The following HEG1 variants were observed in gnomAD, a reference collection of about 807,000 sequenced individuals.
The protein encoded by HEG1 is protein HEG homolog 1.
Under a neutral mutation model 125.6 loss-of-function variants are expected in HEG1, and 56 were observed. The ratio of observed to expected loss-of-function variants is 0.45; its 90% CI spans 0.36 to 0.56. The LOEUF (loss-of-function observed/expected upper bound fraction) is 0.56. Among genes scored for constraint, HEG1 ranks in the 20% least tolerant of loss-of-function variants. The pLI, the probability that HEG1 is intolerant of heterozygous loss-of-function variation, is 0.00. For missense variants in HEG1, 1,523 were observed against 1,670.0 expected, an observed-to-expected ratio of 0.91 and a Z score of 1.53; for synonymous variants, 644 against 668.5, an observed-to-expected ratio of 0.96 and a Z score of 0.57.
At chr3:125,038,084 G>T (rs1049150266) in intron 1 of HEG1, among the ~76,000 whole-genome samples, 1 of 152,216 alleles carries the variant, frequency 6.6e-6, no homozygotes, top group South Asian at 2.1e-4. Context: ...GGATGACCTT[G>T]GCAGGCACTG....
intron 14 of HEG1, among the ~76,000 whole-genome samples, chr3:124,987,665 C>T (rs1362276299): frequency 6.6e-6 from 1 of 151,252 alleles, no homozygotes; most frequent in African/African-American, 2.4e-5. Context: ...GAACTACAGG[C>T]GCTCGCCACC....
chr3:125,055,957 G>GGGCAGCC lies in HEG1; in HGVS notation c.-68_-67insGGCTGCC. The GGGCAGCC allele has an allele frequency of 1.2e-6, 1 of 864,318 alleles. No homozygotes were observed. Among genetic ancestry groups the GGGCAGCC allele is most frequent in the Non-Finnish European group, 1.4e-6 (1 of 721,020 alleles). 53.5% of individuals were successfully genotyped at this position (864,318 alleles called of 1,614,324 possible). A position where few individuals can be genotyped will look rare whatever the true frequency, so the allele number is the denominator to read the frequency against. On this transcript the variant is annotated 5_prime_UTR_variant, in exon 1 of 17. Coordinates refer to ENST00000311127, the MANE Select transcript of HEG1 (RefSeq NM_020733.2). ...GCGAGGGCAGCGGGCAGCGGGCAGC[G>GGGCAGCC]GGCGGCGGGGGCCGCGCGGGGCCGG... is the stretch of plus-strand genomic sequence containing the variant.
At chr3:125,010,607 G>T in intron 6 of HEG1, 52 bp from the exon 7 acceptor site, 1 of 1,045,352 alleles carries the variant, frequency 9.6e-7, no homozygotes, top group Non-Finnish European at 1.4e-6. Context: ...AAATGTAAAG[G>T]CAGCTTTAGG....
Position 125,055,817 on chromosome 3 carries a change from G to GGCGGCA in HEG1, c.68_73dup (p.Leu23_Pro24dup). On this transcript the variant is annotated inframe_insertion, in exon 1 of 17. Transcript: ENST00000311127. ...CGGGTCCCGCGTCCCGGGGGCCGCC[G>GGCGGCA]GCGGCAGCAGCAGCAGCGGCAGCAA... 1.0e-6 allele frequency: 1 copy of GGCGGCA among 979,556 alleles called. No individual in the cohort carries two copies. The highest frequency in any genetic ancestry group is 1.2e-6 in the Non-Finnish European group (1 of 826,330). The allele number at this position is 979,556 out of a possible 1,614,324, so 60.7% of individuals were successfully genotyped here.
At chr3:125,025,939 CAGA>C (rs1937408315) in intron 3 of HEG1, among the ~76,000 whole-genome samples, 1 of 152,218 alleles carries the variant, frequency 6.6e-6, no homozygotes, top group South Asian at 2.1e-4. Flanking sequence ...ACAGGCACTC[CAGA>C]AGGGACTCCT....
intron 14 of HEG1, among the ~76,000 whole-genome samples, chr3:124,980,504 C>T (rs1482526379): frequency 6.6e-6 from 1 of 152,140 alleles, no homozygotes; most frequent in African/African-American, 2.4e-5. Context: ...TATCTGTGGT[C>T]AAGGACCAGT....
At chr3:124,992,933 G>A (rs961599630) in intron 12 of HEG1, among the ~76,000 whole-genome samples, 4 of 152,122 alleles carry the variant, frequency 2.6e-5, no homozygotes, top group Admixed American at 1.3e-4. Context: ...TGTTATAAGC[G>A]GCAGCCATGG....
chr3:124,997,235 G>A (rs1384224845), intron 12 of HEG1, among the ~76,000 whole-genome samples: 3 of 152,160 alleles, frequency 2.0e-5, no homozygotes, highest in African/African-American at 4.8e-5. Flanking sequence ...GAGAAACAAA[G>A]TGACTTGCCC....
At chr3:125,009,895 G>C in intron 7 of HEG1, 71 bp from the exon 8 acceptor site, 1 of 1,491,758 alleles carries the variant, frequency 6.7e-7, no homozygotes, top group Non-Finnish European at 9.0e-7. Flanking sequence ...AGTGTAGTAA[G>C]TACTTACTAA....
At position 124,997,819 on chromosome 3, in the gene HEG1, G is replaced by T; in HGVS notation, c.3522C>A (p.Gly1174=). The T allele has an allele frequency of 6.4e-7, 1 of 1,569,258 alleles. No homozygotes were observed. Among genetic ancestry groups the T allele is most frequent in the Non-Finnish European group, 8.7e-7 (1 of 1,152,546 alleles). The part of the protein sequence containing the change: ...LGSQRRIFRA[G]SLCKRKSPEC... ...CGGGACTCTTCCGCTTGCACAAGCT[G>T]CCCGCTGGAATGGAAAAACAAGACA... Residue 1174 remains glycine (G), a synonymous_variant, in exon 12 of 17, where the codon GGC becomes GGA. Coordinates refer to ENST00000311127, the MANE Select transcript of HEG1 (RefSeq NM_020733.2).
intron 1 of HEG1, among the ~76,000 whole-genome samples, chr3:125,049,529 A>G (rs1937756800): frequency 6.6e-6 from 1 of 152,134 alleles, no homozygotes; most frequent in Non-Finnish European, 1.5e-5. Flanking sequence ...TCAACCATCC[A>G]CAGAATACTT....
chr3:124,995,721 T>A (rs530804433), intron 12 of HEG1, among the ~76,000 whole-genome samples: 12 of 152,172 alleles, frequency 7.9e-5, no homozygotes, highest in African/African-American at 2.6e-4. Context: ...CTTCACGGGG[T>A]CTCAGCAACA....
intron 1 of HEG1, among the ~76,000 whole-genome samples, chr3:125,031,653 CCA>C (rs139599713): frequency 0.017 from 2,550 of 148,826 alleles, 62 homozygotes; most frequent in African/African-American, 0.058. Flanking sequence ...TATCTAAATA[CCA>C]CACACACACA....
intron 14 of HEG1, among the ~76,000 whole-genome samples, chr3:124,987,952 C>CACACACACATATATATATATATATAT: frequency 3.7e-5 from 2 of 54,700 alleles, no homozygotes; most frequent in Admixed American, 4.4e-4. Flanking sequence ...CACACACACA[C>CACACACACATATATATATATATATAT]ATATATATAT....
chr3:125,021,103 T>C lies in HEG1; in HGVS notation c.941A>G (p.Asn314Ser). The C allele has an allele frequency of 6.3e-7, 1 of 1,581,424 alleles. No individual in the cohort carries two copies. The highest frequency in any genetic ancestry group is 8.6e-7 in the Non-Finnish European group (1 of 1,162,360). ...TGAGGAGCTCTGGAGGCCAGTGGAGTTGTTAAGCTTCTCTGTACTTTCAGA... is the reference window on the plus strand; with the variant it reads ...TGAGGAGCTCTGGAGGCCAGTGGAGCTGTTAAGCTTCTCTGTACTTTCAGA... The part of the protein sequence containing the change: ...SSSESTEKLN[N>S]STGLQSSSVS... Residue 314 changes from asparagine to serine, a missense_variant, in exon 4 of 17, where the codon AAC becomes AGC. Coordinates refer to ENST00000311127, the MANE Select transcript of HEG1 (RefSeq NM_020733.2).
At chr3:125,021,339 A>G (rs950156064) in intron 3 of HEG1, among the ~76,000 whole-genome samples, 1 of 151,752 alleles carries the variant, frequency 6.6e-6, no homozygotes, top group African/African-American at 2.4e-5. Context: ...TCACAGAGGA[A>G]GGTGGAGAAC....
chr3:125,010,419 G>C lies in HEG1; in HGVS notation c.3073+20C>G. 6.7e-7 allele frequency: 1 copy of C among 1,482,916 alleles called. No individual in the cohort carries two copies. Among genetic ancestry groups the C allele is most frequent in the South Asian group, 1.2e-5 (1 of 82,100 alleles). 91.9% of individuals were successfully genotyped at this position (1,482,916 alleles called of 1,614,324 possible). A position where few individuals can be genotyped will look rare whatever the true frequency, so the allele number is the denominator to read the frequency against. On this transcript the variant is annotated intron_variant, in intron 7 of 16. Coordinates refer to ENST00000311127, the MANE Select transcript of HEG1 (RefSeq NM_020733.2). ...CGTGGTACTGTGGTGCAGACCACTG[G>C]GCGTTACTTTTTCTCTTACCCACAC...
intron 1 of HEG1, among the ~76,000 whole-genome samples, chr3:125,031,574 T>C (rs1937498269): frequency 6.6e-6 from 1 of 152,210 alleles, no homozygotes; most frequent in Admixed American, 6.5e-5. Flanking sequence ...ATCACTTCGA[T>C]TTATATGAAT....
chr3:125,055,448 G>C (rs1369524042), intron 1 of HEG1, 127 bp downstream of exon 1: 4 of 567,250 alleles, frequency 7.1e-6, no homozygotes, highest in Non-Finnish European at 9.8e-6. Context: ...TCCCGCACAC[G>C]CCGGGCGAGG....
Sources: allele counts gnomAD v4.1 joint callset (sites outside exome capture counted in the v4.1 genomes callset), GRCh38; gene constraint gnomAD v4.1.1; transcripts MANE v1.5; gene names NCBI Gene and HGNC (gene_info 2026-07-23, HGNC 2026-07-21).